FAM20C: variants seen among roughly 807,000 people sequenced by gnomAD.
FAM20C encodes FAM20C golgi associated secretory pathway kinase.
FAM20C carries 40 observed loss-of-function variants against 51.5 expected under a neutral mutation model. The observed-to-expected ratio is 0.78, with a 90% CI of 0.60 to 1.01. FAM20C has a LOEUF of 1.01. Ranked by LOEUF, FAM20C falls within the 50% of genes least tolerant of loss-of-function variation. The probability of loss-of-function intolerance (pLI) is 0.00; values close to 1 mark genes in which losing one functional copy is unlikely to be tolerated. For missense variants in FAM20C, 861 were observed against 844.7 expected, an observed-to-expected ratio of 1.02 and a Z score of -0.24; for synonymous variants, 406 against 380.6, an observed-to-expected ratio of 1.07 and a Z score of -0.78.
intron 2 of FAM20C, among the ~76,000 whole-genome samples, chr7:202,699 C>T (rs1047701942): frequency 2.9e-4 from 24 of 82,698 alleles, no homozygotes; most frequent in Non-Finnish European, 9.8e-5. Flanking sequence ...GTGTGCATAG[C>T]GAGGACGGGT....
chr7:233,682 C>T (rs1219569614), intron 3 of FAM20C, among the ~76,000 whole-genome samples: 7 of 152,298 alleles, frequency 4.6e-5, no homozygotes, highest in African/African-American at 1.4e-4. Context: ...CTTGCAGGGA[C>T]GCTGTGGTCT....
chr7:224,179 G>C (rs1265824349), intron 3 of FAM20C, among the ~76,000 whole-genome samples: 1 of 148,544 alleles, frequency 6.7e-6, no homozygotes, highest in African/African-American at 2.5e-5. Context: ...TCACGGAGCA[G>C]AACGGCACCG....
chr7:229,007 C>T (rs985145507), intron 3 of FAM20C: 2 of 360,504 alleles, frequency 5.5e-6, no homozygotes, highest in Non-Finnish European at 5.5e-6. Flanking sequence ...AGTCGGGCCA[C>T]ACCCTGCCCC....
chr7:223,212 G>A (rs1787319110), intron 3 of FAM20C, among the ~76,000 whole-genome samples: 1 of 152,170 alleles, frequency 6.6e-6, no homozygotes, highest in Non-Finnish European at 1.5e-5. Context: ...TCTGTCCAAA[G>A]CCTGAAGTGT....
intron 3 of FAM20C, among the ~76,000 whole-genome samples, chr7:218,574 T>A (rs958052547): frequency 6.7e-4 from 102 of 152,038 alleles, no homozygotes; most frequent in Non-Finnish European, 1.0e-3. Context: ...TGTGTGGGCA[T>A]CGTTGTGCGG....
chr7:223,521 G>T (rs1259386688), intron 3 of FAM20C, among the ~76,000 whole-genome samples: 1 of 152,218 alleles, frequency 6.6e-6, no homozygotes. Flanking sequence ...GAGCAGAGGG[G>T]CAGGCGGGCA....
intron 3 of FAM20C, among the ~76,000 whole-genome samples, chr7:230,169 C>T (rs553866710): frequency 1.3e-5 from 2 of 152,250 alleles, no homozygotes; most frequent in African/African-American, 4.8e-5. Flanking sequence ...ATGCAATCCC[C>T]TGTCCTCATA....
rs1421544966 is a variant in FAM20C at position 260,062 on chromosome 7, A to C, written c.*82A>C. On this transcript the variant is annotated 3_prime_UTR_variant, in exon 10 of 10. Coordinates refer to ENST00000313766, the MANE Select transcript of FAM20C (RefSeq NM_020223.4). Reference sequence around the variant, plus strand: ...AAGCGCATGCGCCCGTCGTGAATTCAGTGAATTCAGAGGCAGGACGGGATC... The same window carrying C: ...AAGCGCATGCGCCCGTCGTGAATTCCGTGAATTCAGAGGCAGGACGGGATC... 7.7e-6 allele frequency: 11 copies of C among 1,421,958 alleles called. No individual in the cohort carries two copies. In the Admixed American group the frequency reaches 2.9e-4, roughly 37 times the overall value. The allele number at this position is 1,421,958 out of a possible 1,614,324, so 88.1% of individuals were successfully genotyped here.
chr7:258,488 GA>G (rs535385928), intron 8 of FAM20C, among the ~76,000 whole-genome samples, 157 bp from the exon 9 acceptor site: 33 of 134,276 alleles, frequency 2.5e-4, no homozygotes, highest in South Asian at 9.2e-4. Flanking sequence ...AGATGGGTGG[GA>G]TGGACCCACT....
intron 3 of FAM20C, among the ~76,000 whole-genome samples, chr7:235,301 C>T (rs1040202579): frequency 3.3e-5 from 5 of 152,066 alleles, no homozygotes; most frequent in African/African-American, 4.8e-5. Flanking sequence ...GGGTATCCGG[C>T]GCCTTCTGAA....
At position 193,399 on chromosome 7, in the gene FAM20C, C is replaced by A. The variant is rs538469200; in HGVS notation, c.200C>A (p.Pro67His). ...APGWAQVRGR[P>H]GEPPAASSAA... ...GGCTGGGCCCAGGTTCGGGGCCGCC[C>A]CGGGGAGCCCCCGGCCGCCTCCTCC... Residue 67 changes from proline to histidine, a missense_variant, in exon 1 of 10, where the codon CCC becomes CAC. By Grantham distance (77) the Pro-to-His change is moderately conservative. This residue lies in a region of FAM20C where 561 missense variants were observed against 499.8 expected (regional missense o/e 1.12). Transcript: ENST00000313766. 8.9e-4 allele frequency: 1,243 copies of A among 1,397,472 alleles called. 6 individuals are homozygous for A. Among genetic ancestry groups the A allele is most frequent in the South Asian group, 6.2e-3 (408 of 66,272 alleles). The allele number at this position is 1,397,472 out of a possible 1,614,324, so 86.6% of individuals were successfully genotyped here.
intron 3 of FAM20C, among the ~76,000 whole-genome samples, chr7:243,941 A>ATTATTATTATTATTATTATT (rs1554254455): frequency 8.9e-6 from 1 of 112,030 alleles, no homozygotes; most frequent in African/African-American, 3.3e-5. Context: ...TAATAATAAT[A>ATTATTATTATTATTATTATT]ATAATTATTA....
At chr7:205,663 C>A (rs573361483) in intron 2 of FAM20C, among the ~76,000 whole-genome samples, 4 of 152,122 alleles carry the variant, frequency 2.6e-5, no homozygotes, top group African/African-American at 9.7e-5. Context: ...GTGGCTGCGC[C>A]GGGCTTGGGA....
At chr7:249,911 CTA>C (rs1379864079) in intron 5 of FAM20C, among the ~76,000 whole-genome samples, 2 of 152,248 alleles carry the variant, frequency 1.3e-5, no homozygotes, top group East Asian at 1.9e-4. Context: ...ACTCGGTCCC[CTA>C]TGTTTCCATC....
chr7:218,971 G>A (rs1023484584), intron 3 of FAM20C, among the ~76,000 whole-genome samples: 1 of 152,202 alleles, frequency 6.6e-6, no homozygotes, highest in African/African-American at 2.4e-5. Flanking sequence ...CTCTGGTCCA[G>A]CCCAAACCCA....
intron 3 of FAM20C, among the ~76,000 whole-genome samples, chr7:231,014 G>A (rs1309758491): frequency 6.6e-6 from 1 of 152,170 alleles, no homozygotes; most frequent in East Asian, 1.9e-4. Flanking sequence ...GGAGGCTGAG[G>A]ATGCAGTGAG....
chr7:258,684 T>G lies in FAM20C; in HGVS notation c.1484T>G (p.Val495Gly). 2.6e-6 allele frequency: 4 copies of G among 1,536,656 alleles called. No homozygotes were observed. The highest frequency in any genetic ancestry group is 3.5e-6 in the Non-Finnish European group (4 of 1,146,500). ...KYSHDELSIL[V>G]PLQQCCRIRK... ...TCGCACGACGAGCTCTCCATCCTGGTGCCGCTACAGCAGTGCTGCAGGTAC... is the reference window on the plus strand; with the variant it reads ...TCGCACGACGAGCTCTCCATCCTGGGGCCGCTACAGCAGTGCTGCAGGTAC... Residue 495 changes from valine (V) to glycine (G), a missense_variant, in exon 9 of 10, where the codon GTG becomes GGG. Physicochemically the swap from Val to Gly is moderately radical, Grantham distance 109. Coordinates refer to ENST00000313766, the MANE Select transcript of FAM20C (RefSeq NM_020223.4).
chr7:230,893 G>C (rs767011098), intron 3 of FAM20C, among the ~76,000 whole-genome samples: 5 of 152,140 alleles, frequency 3.3e-5, no homozygotes, highest in Admixed American at 3.3e-4. Context: ...AGTAAATGAA[G>C]GGAAAAGCGC....
intron 2 of FAM20C, among the ~76,000 whole-genome samples, chr7:199,344 G>A (rs1294818200): frequency 6.6e-6 from 1 of 152,202 alleles, no homozygotes; most frequent in Admixed American, 6.5e-5. Context: ...AAGAACAGGG[G>A]TAGCCTTCAA....
Sources: gnomAD v4.1 joint callset for allele counts (sites outside exome capture counted in the v4.1 genomes callset) on GRCh38, gnomAD v4.1.1 for gene constraint, gnomAD v4.1.1 regional missense constraint, MANE v1.5 for transcripts, NCBI Gene and HGNC (gene_info 2026-07-23, HGNC 2026-07-21) for gene names.